CCDC191: variants seen among roughly 807,000 people sequenced by gnomAD.
CCDC191 encodes the protein coiled-coil domain-containing protein 191.
CCDC191 carries 99 observed loss-of-function variants against 114.0 expected under a neutral mutation model. The observed-to-expected ratio is 0.87, with a 90% CI of 0.74 to 1.03. The LOEUF (loss-of-function observed/expected upper bound fraction) is 1.03, where lower values mean the gene tolerates loss of function less well. Ranked by LOEUF, CCDC191 falls within the 50% of genes least tolerant of loss-of-function variation. The pLI, the probability that CCDC191 is intolerant of heterozygous loss-of-function variation, is 0.00. For missense variants in CCDC191, 973 were observed against 1,087.0 expected (o/e 0.90, Z 1.47); for synonymous variants, 351 against 376.0 (o/e 0.93, Z 0.77).
intron 13 of CCDC191, among the ~76,000 whole-genome samples, chr3:113,985,554 C>T (rs1487654508): frequency 1.3e-5 from 2 of 152,172 alleles, no homozygotes; most frequent in African/African-American, 4.8e-5. Context: ...CTGTGCATTC[C>T]AAACACTGAG....
chr3:113,970,970 T>A (rs1286172567), intron 16 of CCDC191, among the ~76,000 whole-genome samples: 1 of 152,202 alleles, frequency 6.6e-6, no homozygotes, highest in Non-Finnish European at 1.5e-5. Flanking sequence ...TCTATCATTG[T>A]TGGACATTTG....
At chr3:113,972,886 G>GT (rs1458088782) in intron 16 of CCDC191, among the ~76,000 whole-genome samples, 2 of 152,012 alleles carry the variant, frequency 1.3e-5, no homozygotes, top group East Asian at 3.9e-4. Flanking sequence ...TTCCTGCTGT[G>GT]TTTTTGGTTT....
chr3:114,030,017 A>G lies in CCDC191; in HGVS notation c.972+1609T>C, dbSNP rs77852432. ...AACTGGTGATATTCTCATAGGGTCT[A>G]TGGTTTAGTTAATGGTATTTAATGG... On this transcript the variant is annotated intron_variant, in intron 7 of 16. Coordinates refer to ENST00000295878, the MANE Select transcript of CCDC191 (RefSeq NM_020817.2). Among the ~76,000 whole-genome samples the G allele has an allele frequency of 4.0e-4, 61 of 152,294 alleles. No individual in the cohort carries two copies. In the East Asian group the frequency reaches 0.011, roughly 27 times the overall value.
intron 3 of CCDC191, among the ~76,000 whole-genome samples, chr3:114,044,619 C>T (rs2076605281): frequency 6.6e-6 from 1 of 152,114 alleles, no homozygotes. Context: ...GCAACAAATG[C>T]CATTGGCTTT....
intron 13 of CCDC191, among the ~76,000 whole-genome samples, chr3:113,981,963 G>A (rs1356617606): frequency 1.3e-5 from 2 of 152,198 alleles, no homozygotes; most frequent in African/African-American, 4.8e-5. Flanking sequence ...AGGAAGCTGA[G>A]GGTTAAGTGG....
At chr3:113,981,459 TAAAAA>T (rs1266447514) in intron 13 of CCDC191, among the ~76,000 whole-genome samples, 4 of 152,030 alleles carry the variant, frequency 2.6e-5, no homozygotes, top group African/African-American at 9.7e-5. Context: ...TCTCTTTTAA[TAAAAA>T]TAGCTTATTG....
Position 114,035,065 on chromosome 3 carries a change from C to G in CCDC191, c.678G>C (p.Glu226Asp). 6.2e-7 allele frequency: 1 copy of G among 1,614,118 alleles called. No homozygotes were observed. The highest frequency in any genetic ancestry group is 8.5e-7 in the Non-Finnish European group (1 of 1,179,990). Residue 226 changes from glutamate to aspartate, a missense_variant, in exon 6 of 17, where the codon GAG (glutamate) becomes GAC (aspartate). Coordinates refer to ENST00000295878, the MANE Select transcript of CCDC191 (RefSeq NM_020817.2). ...TCTCTTCTTGCACCAGACACTGAGC[C>G]TCCAAGAAGGCCGATTTTTTCAGGG... ...EKTLKKSAFL[E>D]AQCLVQEEKK... is the part of the protein sequence containing the mutation.
intron 2 of CCDC191, among the ~76,000 whole-genome samples, chr3:114,053,013 CAT>C (rs1210646976): frequency 2.0e-5 from 3 of 152,182 alleles, no homozygotes; most frequent in Non-Finnish European, 4.4e-5. Context: ...CTCAAAAATA[CAT>C]ATCTCAGGCC....
chr3:113,997,965 G>T (rs1034960522), intron 13 of CCDC191, among the ~76,000 whole-genome samples: 12 of 151,832 alleles, frequency 7.9e-5, no homozygotes, highest in Non-Finnish European at 1.5e-4. Flanking sequence ...ACTTGAGAAT[G>T]ACACTATACT....
chr3:113,986,617 T>G (rs897524569), intron 13 of CCDC191, among the ~76,000 whole-genome samples: 1 of 152,172 alleles, frequency 6.6e-6, no homozygotes, highest in Non-Finnish European at 1.5e-5. Context: ...ATGAACTGAA[T>G]GCTTGTGTCC....
chr3:113,997,705 A>G (rs1361803638), intron 13 of CCDC191, among the ~76,000 whole-genome samples: 2 of 152,226 alleles, frequency 1.3e-5, no homozygotes, highest in Admixed American at 1.3e-4. Context: ...AATAACCCAA[A>G]GTATAAAATA....
rs542282227 is a variant in CCDC191 at position 114,001,126 on chromosome 3, ACTT to A, written c.2163+466_2163+468del. ...TATTATTATTTCTTTGTGTATTATC[ACTT>A]CTTCTTCCATTTGTTCATTCATTTA... On this transcript the variant is annotated intron_variant, in intron 13 of 16. Coordinates refer to ENST00000295878, the MANE Select transcript of CCDC191 (RefSeq NM_020817.2). Among the ~76,000 whole-genome samples, 337 of 152,044 alleles carry A rather than the reference ACTT, an allele frequency of 2.2e-3. 1 individual carries two copies. The highest frequency in any genetic ancestry group is 2.3e-3 in the Non-Finnish European group (155 of 67,980).
chr3:114,035,148 C>T lies in CCDC191; in HGVS notation c.595G>A (p.Val199Ile), dbSNP rs1359417561. Residue 199 changes from valine to isoleucine, a missense_variant and splice_region_variant, in exon 6 of 17, where the codon GTA (valine) becomes ATA (isoleucine). Transcript: ENST00000295878. ...TCACGTCTTAAGCGATTTTCTTTTACCTTAAAGCAAATATAATAAAGATGA... is the reference window on the plus strand; with the variant it reads ...TCACGTCTTAAGCGATTTTCTTTTATCTTAAAGCAAATATAATAAAGATGA... ...RLTMEMRHKQVKENRLRREKE... is the reference protein window; with the variant it reads ...RLTMEMRHKQIKENRLRREKE... 1 of 1,603,722 alleles carries T rather than the reference C, an allele frequency of 6.2e-7. No individual in the cohort carries two copies. The highest frequency in any genetic ancestry group is 8.5e-7 in the Non-Finnish European group (1 of 1,172,510).
chr3:114,001,072 A>G (rs2075846477), intron 13 of CCDC191, among the ~76,000 whole-genome samples: 1 of 152,174 alleles, frequency 6.6e-6, no homozygotes, highest in African/African-American at 2.4e-5. Context: ...CCTTAGAGTA[A>G]GAGCTTTTTC....
chr3:114,051,740 G>C (rs534706844), intron 2 of CCDC191, among the ~76,000 whole-genome samples: 3 of 152,264 alleles, frequency 2.0e-5, no homozygotes, highest in South Asian at 2.1e-4. Context: ...AGCTGATTTT[G>C]AAAGGGTGGT....
At chr3:114,013,954 C>T (rs1215905197) in intron 8 of CCDC191, among the ~76,000 whole-genome samples, 1 of 152,060 alleles carries the variant, frequency 6.6e-6, no homozygotes, top group Non-Finnish European at 1.5e-5. Flanking sequence ...GAGTTTTTTT[C>T]CTGAGAATCT....
rs749185948 is a variant in CCDC191 at position 114,005,913 on chromosome 3, C to T, written c.1463G>A (p.Gly488Asp). 6.2e-7 allele frequency: 1 copy of T among 1,614,032 alleles called. No homozygotes were observed. Among genetic ancestry groups the T allele is most frequent in the Non-Finnish European group, 8.5e-7 (1 of 1,179,976 alleles). ...TCCCAGGGGAGGACTGAGCATACAA[C>T]CACTGCTTCCCAAGGGAGGCTTTTC... ...LWEKPPLGSS[G>D]CMLSPPLGRT... The change falls in exon 10 of 17, where the codon GGT (glycine) becomes GAT (aspartate). Residue 488 changes from glycine to aspartate, a missense_variant. Gly to Asp is a moderately conservative substitution (Grantham distance 94). Transcript: ENST00000295878.
At position 113,998,306 on chromosome 3, in the gene CCDC191, CAAA is replaced by C. The variant is rs61430954; in HGVS notation, c.2163+3286_2163+3288del. On this transcript the variant is annotated intron_variant, in intron 13 of 16. Coordinates refer to ENST00000295878, the MANE Select transcript of CCDC191 (RefSeq NM_020817.2). Reference sequence around the variant, plus strand: ...GGGCAACAAGAGTGAAACTCTGCTTCAAAAAAAAAAAAAAAAAAAAAAAGTTAA... The same window carrying C: ...GGGCAACAAGAGTGAAACTCTGCTTCAAAAAAAAAAAAAAAAAAAAGTTAA... Among the ~76,000 whole-genome samples, 71 of 82,610 alleles carry C rather than the reference CAAA, an allele frequency of 8.6e-4. 1 individual carries two copies. Among genetic ancestry groups the C allele is most frequent in the African/African-American group, 2.1e-3 (45 of 21,196 alleles). 54.2% of individuals were successfully genotyped at this position (82,610 alleles called of 152,430 possible). A position where few individuals can be genotyped will look rare whatever the true frequency, so the allele number is the denominator to read the frequency against.
chr3:114,025,293 C>T (rs1157842754), intron 7 of CCDC191, among the ~76,000 whole-genome samples: 1 of 151,074 alleles, frequency 6.6e-6, no homozygotes, highest in Non-Finnish European at 1.5e-5. Context: ...AACCCTATCA[C>T]TGTTCTAAAA....
Sources: allele counts gnomAD v4.1 joint callset (sites outside exome capture counted in the v4.1 genomes callset), GRCh38; gene constraint gnomAD v4.1.1; transcripts MANE v1.5; gene names NCBI Gene and HGNC (gene_info 2026-07-23, HGNC 2026-07-21).